CHN2: variants seen among roughly 807,000 people sequenced by gnomAD.
The protein encoded by CHN2 is chimerin 2.
A neutral mutation model predicts 56.3 loss-of-function variants in CHN2; 35 were observed. The observed-to-expected ratio is 0.62, with a 90% CI of 0.47 to 0.82. The LOEUF is 0.82. CHN2 is among the 40% of genes least tolerant of loss of function. The probability of loss-of-function intolerance (pLI) is 0.00; values close to 1 mark genes in which losing one functional copy is unlikely to be tolerated. For missense variants in CHN2, 491 were observed against 580.5 expected (o/e 0.85, Z 1.58); for synonymous variants, 210 against 212.8 (o/e 0.99, Z 0.12).
chr7:29,204,063 C>CTGTGTG (rs1458828590), intron 1 of CHN2, among the ~76,000 whole-genome samples: 3 of 108,830 alleles, frequency 2.8e-5, no homozygotes, highest in African/African-American at 4.3e-5. Context: ...GTTTTTCTCT[C>CTGTGTG]TCTCTGTGTG....
intron 2 of CHN2, among the ~76,000 whole-genome samples, chr7:29,357,825 C>G (rs1345468662): frequency 6.6e-6 from 1 of 152,154 alleles, no homozygotes; most frequent in East Asian, 1.9e-4. Context: ...ACAAAGCTAT[C>G]AGAATATTGA....
chr7:29,197,468 T>C (rs1264586582), intron 1 of CHN2, among the ~76,000 whole-genome samples: 1 of 152,208 alleles, frequency 6.6e-6, no homozygotes, highest in Admixed American at 6.5e-5. Flanking sequence ...GTCTTGGGGA[T>C]TGAATGAAAT....
chr7:29,228,289 G>C (rs1032380376), intron 1 of CHN2, among the ~76,000 whole-genome samples: 1 of 151,966 alleles, frequency 6.6e-6, no homozygotes, highest in African/African-American at 2.4e-5. Flanking sequence ...CAGTGGTTCC[G>C]TAAGATTATA....
At chr7:29,484,973 G>A (rs1351509025) in intron 7 of CHN2, among the ~76,000 whole-genome samples, 1 of 152,186 alleles carries the variant, frequency 6.6e-6, no homozygotes, top group African/African-American at 2.4e-5. Flanking sequence ...CATCTGTAAA[G>A]AAAAGTTTTC....
At chr7:29,430,038 A>G (rs1782723765) in intron 6 of CHN2, among the ~76,000 whole-genome samples, 1 of 152,218 alleles carries the variant, frequency 6.6e-6, no homozygotes, top group African/African-American at 2.4e-5. Context: ...GGCCATTTCT[A>G]CTGTACTTAG....
chr7:29,266,697 G>A (rs765231017), intron 1 of CHN2, among the ~76,000 whole-genome samples: 5 of 152,214 alleles, frequency 3.3e-5, no homozygotes, highest in Non-Finnish European at 5.9e-5. Context: ...GGAAAGTGGA[G>A]CAAGATTTTG....
chr7:29,510,888 G>A (rs1338965904), intron 12 of CHN2, among the ~76,000 whole-genome samples: 2 of 152,254 alleles, frequency 1.3e-5, no homozygotes, highest in East Asian at 1.9e-4. Context: ...GACAGAGATG[G>A]AGACGTCTGG....
chr7:29,482,979 A>G (rs1787493377), intron 7 of CHN2, among the ~76,000 whole-genome samples: 1 of 149,640 alleles, frequency 6.7e-6, no homozygotes. Flanking sequence ...CCGCCAACAC[A>G]CCCGGCTAAT....
At chr7:29,331,919 G>A (rs998785739) in intron 1 of CHN2, among the ~76,000 whole-genome samples, 2 of 151,852 alleles carry the variant, frequency 1.3e-5, no homozygotes, top group Non-Finnish European at 2.9e-5. Flanking sequence ...GGCTGAGGCA[G>A]GAGAATTGCT....
rs1790615787 is a variant in CHN2 at position 29,271,252 on chromosome 7, A to G, written c.49+76262A>G. ...CCTGCCTAACTCCAACAGTCCGGAGACAAGTTCAAGGCCCTGGTCATTGTC... is the reference window on the plus strand; with the variant it reads ...CCTGCCTAACTCCAACAGTCCGGAGGCAAGTTCAAGGCCCTGGTCATTGTC... On this transcript the variant is annotated intron_variant, in intron 1 of 12. Transcript: ENST00000222792. Among the ~76,000 whole-genome samples, 6 of 152,322 alleles carry G rather than the reference A, an allele frequency of 3.9e-5. 1 individual carries two copies. The South Asian group carries it at 1.0e-3, about 26-fold the overall frequency.
At chr7:29,496,315 G>GA (rs368969776) in intron 8 of CHN2, among the ~76,000 whole-genome samples, 2,643 of 147,704 alleles carry the variant, frequency 0.018, 49 homozygotes, top group African/African-American at 0.052. Context: ...GTCCGTAAAA[G>GA]AAAAAAAAAA....
intron 1 of CHN2, among the ~76,000 whole-genome samples, chr7:29,233,289 G>A (rs1225208001): frequency 6.6e-6 from 1 of 152,242 alleles, no homozygotes; most frequent in Non-Finnish European, 1.5e-5. Context: ...CTAGAATGGA[G>A]TGGCACACAG....
chr7:29,490,514 G>C (rs1788546176), intron 7 of CHN2, among the ~76,000 whole-genome samples: 1 of 152,124 alleles, frequency 6.6e-6, no homozygotes, highest in Non-Finnish European at 1.5e-5. Flanking sequence ...GACTAGTACA[G>C]GGCCAAGTTC....
intron 1 of CHN2, among the ~76,000 whole-genome samples, chr7:29,251,954 T>G (rs1316433703): frequency 2.6e-5 from 4 of 152,156 alleles, no homozygotes; most frequent in Admixed American, 6.5e-5. Context: ...TCAAAAATCT[T>G]ACACATGCTA....
At chr7:29,167,233 T>C (rs1251533744) in intron 2 of CHN2, among the ~76,000 whole-genome samples, 1 of 152,220 alleles carries the variant, frequency 6.6e-6, no homozygotes, top group Non-Finnish European at 1.5e-5. Context: ...AAATAATATA[T>C]TAATTTTAAC....
chr7:29,200,836 C>A (rs953481501), intron 1 of CHN2: 1 of 152,156 alleles, frequency 6.6e-6, no homozygotes, highest in Non-Finnish European at 1.5e-5. Context: ...GTAGGGTGCT[C>A]TGCAATGGAA....
At chr7:29,505,628 GTAA>G (rs1336441141) in intron 10 of CHN2, among the ~76,000 whole-genome samples, 2 of 152,212 alleles carry the variant, frequency 1.3e-5, no homozygotes, top group Non-Finnish European at 2.9e-5. Flanking sequence ...GCAAACACCT[GTAA>G]TCAGGGGTCA....
intron 1 of CHN2, among the ~76,000 whole-genome samples, chr7:29,280,122 G>A (rs1584949108): frequency 6.6e-6 from 1 of 152,132 alleles, no homozygotes. Context: ...GGTGGCTCAC[G>A]CCTGTAATCC....
exon 1 of CHN2, chr7:29,146,641 G>C (rs1180140443): frequency 6.4e-7 from 1 of 1,550,592 alleles, no homozygotes; most frequent in East Asian, 2.4e-5. Flanking sequence ...CCTGGTCCCA[G>C]AAACCTGGCC....
Sources: allele counts gnomAD v4.1 joint callset (sites outside exome capture counted in the v4.1 genomes callset), GRCh38; gene constraint gnomAD v4.1.1; transcripts MANE v1.5; gene names NCBI Gene and HGNC (gene_info 2026-07-23, HGNC 2026-07-21).